The following FAM20C variants were observed in gnomAD, a reference collection of about 807,000 sequenced individuals.
FAM20C encodes extracellular serine/threonine protein kinase FAM20C.
A neutral mutation model predicts 51.5 loss-of-function variants in FAM20C; 40 were observed. That is an observed-to-expected ratio of 0.78 (90% CI 0.60 to 1.01). The LOEUF is 1.01. Ranked by LOEUF, FAM20C falls within the 50% of genes least tolerant of loss-of-function variation. FAM20C has a pLI of 0.00. For synonymous variants in FAM20C, 406 were observed against 380.6 expected, an observed-to-expected ratio of 1.07 and a Z score of -0.78; for missense variants, 861 against 844.7, an observed-to-expected ratio of 1.02 and a Z score of -0.24.
intron 3 of FAM20C, among the ~76,000 whole-genome samples, chr7:223,682 A>G (rs28626178): frequency 0.6 from 90,915 of 152,234 alleles, 27,270 homozygotes; most frequent in South Asian, 0.65. Context: ...AGCTGCAGTC[A>G]CAGGGAGGGG....
chr7:205,159 GA>G (rs2115057673), intron 2 of FAM20C, among the ~76,000 whole-genome samples: 1 of 152,284 alleles, frequency 6.6e-6, no homozygotes, highest in Admixed American at 6.5e-5. Context: ...TTGTTTTCTA[GA>G]AACAGGGTCT....
At chr7:206,879 C>T (rs112100933) in intron 2 of FAM20C, among the ~76,000 whole-genome samples, 14 of 31,768 alleles carry the variant, frequency 4.4e-4, no homozygotes, top group East Asian at 9.8e-4. Context: ...CCCTCGGCCC[C>T]GCACACGTGT....
rs186162609 is a variant in FAM20C, at chr7:252,397, G to A, written c.1073-3452G>A. On this transcript the variant is annotated intron_variant, in intron 5 of 9. Transcript: ENST00000313766. ...ACTGTAGACACCCCCTCGGCCTTCCGACCAAGGATGCCAGGTCATCTCGGA... is the reference window on the plus strand; with the variant it reads ...ACTGTAGACACCCCCTCGGCCTTCCAACCAAGGATGCCAGGTCATCTCGGA... 1.7e-3 allele frequency among the ~76,000 whole-genome samples: 256 copies of A among 146,590 alleles called. 1 individual carries two copies. Among genetic ancestry groups the A allele is most frequent in the African/African-American group, 6.4e-3 (251 of 39,312 alleles).
chr7:251,770 T>C (rs1788412097), intron 5 of FAM20C, among the ~76,000 whole-genome samples: 1 of 152,148 alleles, frequency 6.6e-6, no homozygotes, highest in South Asian at 2.1e-4. Context: ...TGGCCACTCC[T>C]GGTTCTGGAT....
chr7:228,879 C>A (rs530464761), intron 3 of FAM20C: 1 of 446,594 alleles, frequency 2.2e-6, no homozygotes, highest in Non-Finnish European at 4.5e-6. Context: ...GAGGGTCCCA[C>A]GCTGGGGATT....
chr7:240,431 T>C (rs954193982), intron 3 of FAM20C, among the ~76,000 whole-genome samples: 10 of 152,404 alleles, frequency 6.6e-5, no homozygotes, highest in African/African-American at 2.4e-4. Context: ...ACAGTGATGA[T>C]GATGATAAGG....
At chr7:195,852 C>T (rs1332544915) in intron 2 of FAM20C, 120 bp downstream of exon 2, 2 of 993,240 alleles carry the variant, frequency 2.0e-6, no homozygotes, top group African/African-American at 1.7e-5. Flanking sequence ...GGCAGCGTCA[C>T]CTCCTGCAGC....
rs1192307981 is a variant in FAM20C at position 192,674 on chromosome 7, C to G, written c.-526C>G. Among the ~76,000 whole-genome samples, 7 of 149,536 alleles carry G rather than the reference C, an allele frequency of 4.7e-5. No homozygotes were observed. In the East Asian group the frequency reaches 7.8e-4, roughly 17 times the overall value. On this transcript the variant is annotated 5_prime_UTR_variant, in exon 1 of 10. Transcript: ENST00000313766. Reference sequence around the variant, plus strand: ...CCACCCCTTCCGCCCTTCGCCCCCCCCTTCCCCCCAGCCCCGGTCTCCCGG... The same window carrying G: ...CCACCCCTTCCGCCCTTCGCCCCCCGCTTCCCCCCAGCCCCGGTCTCCCGG...
chr7:227,620 G>A (rs1787495594), intron 3 of FAM20C: 13 of 152,102 alleles, frequency 8.5e-5, no homozygotes, highest in Admixed American at 8.5e-4. Context: ...GGGTTTCATA[G>A]GAAAGATGTC....
chr7:248,366 G>A lies in FAM20C; in HGVS notation c.1008G>A (p.Met336Ile). The change falls in exon 5 of 10, where the codon ATG becomes ATA. Residue 336 changes from methionine to isoleucine, a missense_variant. Met to Ile is a conservative substitution (Grantham distance 10). Transcript: ENST00000313766. ...CCGTGGCCGGCAGGATGGTCAACAT[G>A]ACCAAGGAGATCCGGGACGTCACAC... Reference protein sequence around the residue: ...VPPVAGRMVNMTKEIRDVTRD... With the variant: ...VPPVAGRMVNITKEIRDVTRD... 6.5e-7 allele frequency: 1 copy of A among 1,537,182 alleles called. No individual in the cohort carries two copies. Among genetic ancestry groups the A allele is most frequent in the Non-Finnish European group, 8.7e-7 (1 of 1,146,900 alleles).
chr7:224,340 C>T (rs539867439), intron 3 of FAM20C, among the ~76,000 whole-genome samples: 3 of 33,694 alleles, frequency 8.9e-5, no homozygotes, highest in African/African-American at 1.9e-4. Context: ...GTCCCCTGAG[C>T]CTTCTCTCAC....
chr7:257,961 CTGAGGTG>C lies in FAM20C; in HGVS notation c.1446-684_1446-678del, dbSNP rs1788675702. Reference sequence around the variant, plus strand: ...GAGATGCCCGGGGTGGACCCACTGCCTGAGGTGCTGGAGATAGGCAGTGTGGACCCAC... The same window carrying C: ...GAGATGCCCGGGGTGGACCCACTGCCCTGGAGATAGGCAGTGTGGACCCAC... On this transcript the variant is annotated intron_variant, in intron 8 of 9. Transcript: ENST00000313766. Among the ~76,000 whole-genome samples, 29 of 88,888 alleles carry C rather than the reference CTGAGGTG, an allele frequency of 3.3e-4. 7 individuals carry two copies. Among genetic ancestry groups the C allele is most frequent in the African/African-American group, 1.2e-3 (26 of 20,868 alleles). 58.3% of individuals were successfully genotyped at this position (88,888 alleles called of 152,430 possible).
intron 5 of FAM20C, among the ~76,000 whole-genome samples, chr7:251,964 A>T (rs1284224070): frequency 4.6e-5 from 7 of 151,876 alleles, no homozygotes; most frequent in Non-Finnish European, 1.0e-4. Flanking sequence ...CACTGCTGCC[A>T]CTCCAGCCGC....
chr7:236,041 C>T (rs1017850303), intron 3 of FAM20C, among the ~76,000 whole-genome samples: 29 of 152,196 alleles, frequency 1.9e-4, no homozygotes, highest in Non-Finnish European at 2.9e-5. Context: ...GGCATACCTT[C>T]TGTCAGGGCG....
At chr7:196,719 C>T (rs1038757215) in intron 2 of FAM20C, among the ~76,000 whole-genome samples, 5 of 152,182 alleles carry the variant, frequency 3.3e-5, no homozygotes, top group Admixed American at 2.0e-4. Context: ...CTTAGGTGTC[C>T]CCTTTCAGGC....
At chr7:199,796 C>T (rs1253009791) in intron 2 of FAM20C, among the ~76,000 whole-genome samples, 1 of 152,136 alleles carries the variant, frequency 6.6e-6, no homozygotes, top group African/African-American at 2.4e-5. Context: ...CATGCAGTGC[C>T]TTGGGCTGGG....
rs201631664 is a variant in FAM20C, at chr7:193,799, G to A, written c.600G>A (p.Pro200=). Residue 200 remains proline (P), a synonymous_variant, in exon 1 of 10, where the codon CCG becomes CCA. Transcript: ENST00000313766. ...TRLSPKAAEN[P]DWPHAGAEGA... is the part of the protein sequence containing the mutation. Reference sequence around the variant, plus strand: ...TCAGCCCCAAAGCGGCGGAGAACCCGGACTGGTGAGTGGGGGCTGGCAGGT... The same window carrying A: ...TCAGCCCCAAAGCGGCGGAGAACCCAGACTGGTGAGTGGGGGCTGGCAGGT... The A allele has an allele frequency of 5.8e-6, 9 of 1,555,678 alleles. No individual in the cohort carries two copies. In the Admixed American group the frequency reaches 1.5e-4, roughly 26 times the overall value.
chr7:235,317 G>A (rs1787815214), intron 3 of FAM20C, among the ~76,000 whole-genome samples: 1 of 152,034 alleles, frequency 6.6e-6, no homozygotes, highest in South Asian at 2.1e-4. Context: ...CTGAAATGCC[G>A]GACGCACGTG....
At chr7:211,137 G>A (rs1288982967) in intron 3 of FAM20C, among the ~76,000 whole-genome samples, 2 of 29,760 alleles carry the variant, frequency 6.7e-5, no homozygotes, top group South Asian at 1.2e-3. Context: ...CTCCTCCCCC[G>A]TCAGCCTCCC....
Sources: gnomAD v4.1 joint callset for allele counts (sites outside exome capture counted in the v4.1 genomes callset) on GRCh38, gnomAD v4.1.1 for gene constraint, MANE v1.5 for transcripts, NCBI Gene and HGNC (gene_info 2026-07-23, HGNC 2026-07-21) for gene names.